KLK4: variants seen among roughly 807,000 people sequenced by gnomAD.
KLK4 encodes kallikrein related peptidase 4.
Under a neutral mutation model 24.3 loss-of-function variants are expected in KLK4, and 24 were observed. That is an observed-to-expected ratio of 0.99 (90% CI 0.72 to 1.39). The LOEUF (loss-of-function observed/expected upper bound fraction) is 1.39, where lower values mean the gene tolerates loss of function less well. Ranked by LOEUF, KLK4 falls within the 40% of genes most tolerant of loss-of-function variation. The pLI, the probability that KLK4 is intolerant of heterozygous loss-of-function variation, is 0.00. For missense variants in KLK4, 344 were observed against 327.4 expected (o/e 1.05, Z -0.39); for synonymous variants, 142 against 138.8 (o/e 1.02, Z -0.16).
exon 4 of KLK4, chr19:50,908,777 C>A (rs751557027): frequency 6.2e-7 from 1 of 1,613,784 alleles, no homozygotes; most frequent in Non-Finnish European, 8.5e-7. Flanking sequence ...ATCTGGCTCC[C>A]TGGCTCTTGG....
chr19:50,911,393 C>T (rs2090486826), exon 1 of KLK4, among the ~76,000 whole-genome samples: 1 of 152,236 alleles, frequency 6.6e-6, no homozygotes, highest in Non-Finnish European at 1.5e-5. Flanking sequence ...CAGCCTGCTG[C>T]CTCCCGCAGG....
rs2090477903 is a variant in KLK4 at position 50,910,409 on chromosome 19, A to G, written c.61+269T>C. On this transcript the variant is annotated intron_variant, in intron 2 of 5. Transcript: ENST00000324041. The surrounding 1 kb of genome is among the most constrained non-coding windows in gnomAD (Gnocchi z 4.4). Reference sequence around the variant, plus strand: ...CCTCGGCTTCCCCTGTCCCCATATCATCATTACACTGTTGTCACTCCACCA... The same window carrying G: ...CCTCGGCTTCCCCTGTCCCCATATCGTCATTACACTGTTGTCACTCCACCA... Among the ~76,000 whole-genome samples the G allele has an allele frequency of 6.6e-6, 1 of 152,062 alleles. No homozygotes were observed. The highest frequency in any genetic ancestry group is 1.5e-5 in the Non-Finnish European group (1 of 68,016).
chr19:50,911,060 T>A (rs1177769890), intron 1 of KLK4, among the ~76,000 whole-genome samples: 1 of 151,924 alleles, frequency 6.6e-6, no homozygotes, highest in African/African-American at 2.4e-5. Context: ...CAAACAAGCA[T>A]GGAGGGAAGA....
At position 50,908,847 on chromosome 19, in the gene KLK4, C is replaced by T; in HGVS notation, c.225-18G>A. 1 of 1,609,252 alleles carries T rather than the reference C, an allele frequency of 6.2e-7. No homozygotes were observed. Among genetic ancestry groups the T allele is most frequent in the South Asian group, 1.1e-5 (1 of 91,066 alleles). On this transcript the variant is annotated intron_variant, in intron 3 of 5. Transcript: ENST00000324041. The stretch of plus-strand genomic sequence containing the variant: ...TGTAGGAGCTGTGGGCCACGGAGGG[C>T]AGGTCAGTTTTGTGGCAACTACATC...
chr19:50,908,250 C>T, intron 5 of KLK4, 109 bp downstream of exon 5: 1 of 1,288,652 alleles, frequency 7.8e-7, no homozygotes, highest in Non-Finnish European at 1.1e-6. Flanking sequence ...TCACTGTCTC[C>T]CTGTGTGTCT....
At chr19:50,908,388 C>T (rs2090452538) in exon 5 of KLK4, 6 of 1,613,868 alleles carry the variant, frequency 3.7e-6, no homozygotes, top group African/African-American at 1.3e-5. Flanking sequence ...TCTTGCCCTC[C>T]GCCGGCGCAG....
rs568723321 is a variant in KLK4 at position 50,910,363 on chromosome 19, A to AG, written c.61+314dup. On this transcript the variant is annotated intron_variant, in intron 2 of 5. Transcript: ENST00000324041. The surrounding 1 kb of genome is among the most constrained non-coding windows in gnomAD (Gnocchi z 4.4). ...GATTCCCAGCAATGGATCACGCCCC[A>AG]GGAAGCACAATCTCCTGCACCCTCG... Among the ~76,000 whole-genome samples the AG allele has an allele frequency of 3.9e-5, 6 of 152,134 alleles. No individual in the cohort carries two copies. Among genetic ancestry groups the AG allele is most frequent in the Middle Eastern group, 3.4e-3 (1 of 294 alleles).
exon 3 of KLK4, chr19:50,909,316 A>T: frequency 1.9e-6 from 3 of 1,614,146 alleles, no homozygotes; most frequent in Non-Finnish European, 2.5e-6. Context: ...GAGCAGAACA[A>T]TTCGTTTTCC....
At chr19:50,908,524 C>A (rs373865620) in intron 4 of KLK4, 29 bp from the exon 5 acceptor site, 20 of 1,614,072 alleles carry the variant, frequency 1.2e-5, no homozygotes, top group Non-Finnish European at 1.7e-5. Context: ...GGTCAGCCCC[C>A]GCGACTGGGC....
chr19:50,908,244 T>C (rs977456775), intron 5 of KLK4, 115 bp downstream of exon 5: 48 of 1,220,576 alleles, frequency 3.9e-5, no homozygotes, highest in Non-Finnish European at 5.6e-5. Context: ...TAGTTGTCAC[T>C]GTCTCCCTGT....
At chr19:50,906,872 T>C in exon 6 of KLK4, 3 of 1,601,402 alleles carry the variant, frequency 1.9e-6, no homozygotes, top group Non-Finnish European at 2.6e-6. Flanking sequence ...GAACAGATAT[T>C]CCTGAATTCC....
rs1428791194 is a variant in KLK4 at position 50,910,964 on chromosome 19, GA to G, written c.-11-216del. 6.6e-6 allele frequency among the ~76,000 whole-genome samples: 1 copy of G among 152,148 alleles called. No individual in the cohort carries two copies. Among genetic ancestry groups the G allele is most frequent in the African/African-American group, 2.4e-5 (1 of 41,430 alleles). ...AGAGAGAGAGAGATGGGAAAAGAGAGAGAGAGAGAGAACTAGGTAGAAAGGA... is the reference window on the plus strand; with the variant it reads ...AGAGAGAGAGAGATGGGAAAAGAGAGGAGAGAGAGAACTAGGTAGAAAGGA... On this transcript the variant is annotated intron_variant, in intron 1 of 5. Transcript: ENST00000324041. This position sits in a 1 kb window ranked among gnomAD's most constrained non-coding sequence, Gnocchi z 4.4.
Position 50,906,958 on chromosome 19 carries a change from T to C in KLK4, c.741A>G (p.Ile247Met), listed in dbSNP as rs150515170. 9 of 1,614,090 alleles carry C rather than the reference T, an allele frequency of 5.6e-6. No homozygotes were observed. In the African/African-American group the frequency reaches 1.2e-4, roughly 22 times the overall value. Residue 247 changes from isoleucine (I) to methionine (M), a missense_variant, in exon 6 of 6, where the codon ATA becomes ATG. Ile to Met is a conservative substitution (Grantham distance 10, BLOSUM62 1). Coordinates refer to ENST00000324041, the Ensembl canonical transcript of KLK4. ...GTTAACTGGCCTGGACGGTTTTCTC[T>C]ATCCACTCAGTGAATTTGCAGAGGT...
In KLK4 at chr19:50,908,965, C is replaced by T. The variant is rs1482359248; in HGVS notation, c.225-136G>A. 8 of 1,519,144 alleles carry T rather than the reference C, an allele frequency of 5.3e-6. No individual in the cohort carries two copies. In the South Asian group the frequency reaches 6.2e-5, roughly 12 times the overall value. 94.1% of individuals were successfully genotyped at this position (1,519,144 alleles called of 1,614,324 possible). On this transcript the variant is annotated intron_variant, in intron 3 of 5. Transcript: ENST00000324041. Reference sequence around the variant, plus strand: ...GCTAAACACCCTAAGAGCTACTTAACCATGGTCTCAAATCCTCATTCACAA... The same window carrying T: ...GCTAAACACCCTAAGAGCTACTTAATCATGGTCTCAAATCCTCATTCACAA...
chr19:50,910,139 G>A lies in KLK4; in HGVS notation c.61+539C>T, dbSNP rs141181534. Among the ~76,000 whole-genome samples the A allele has an allele frequency of 1.7e-3, 259 of 152,096 alleles. No homozygotes were observed. Among genetic ancestry groups the A allele is most frequent in the Non-Finnish European group, 3.0e-3 (203 of 67,960 alleles). On this transcript the variant is annotated intron_variant, in intron 2 of 5. Coordinates refer to ENST00000324041, the Ensembl canonical transcript of KLK4. The surrounding 1 kb of genome is among the most constrained non-coding windows in gnomAD (Gnocchi z 4.4). Reference sequence around the variant, plus strand: ...GGAGTTGTTGCTGGGAGCAAGGATCGGGTCACTTGTCTGCGCAGACTGATG... The same window carrying A: ...GGAGTTGTTGCTGGGAGCAAGGATCAGGTCACTTGTCTGCGCAGACTGATG...
chr19:50,908,671 T>G, exon 4 of KLK4: 1 of 1,614,196 alleles, frequency 6.2e-7, no homozygotes, highest in Non-Finnish European at 8.5e-7. Context: ...GGTGTCAGAC[T>G]CGGACACGGA....
chr19:50,908,446 C>T, exon 5 of KLK4: 1 of 1,614,178 alleles, frequency 6.2e-7, no homozygotes, highest in Non-Finnish European at 8.5e-7. Context: ...TGCAGACCTC[C>T]TCAGACACCA....
intron 5 of KLK4, among the ~76,000 whole-genome samples, chr19:50,907,535 T>TA (rs2090445234): frequency 6.6e-6 from 1 of 151,780 alleles, no homozygotes. Flanking sequence ...GCCTCCCAAG[T>TA]AGCTGGGATT....
chr19:50,908,948 C>T (rs1412775887), intron 3 of KLK4, 119 bp from the exon 4 acceptor site: 14 of 1,532,828 alleles, frequency 9.1e-6, no homozygotes, highest in South Asian at 7.2e-5. Context: ...TCGCTAAACA[C>T]CCTAAGAGCT....
Sources: gnomAD v4.1 joint callset for allele counts (sites outside exome capture counted in the v4.1 genomes callset) on GRCh38, gnomAD v4.1.1 for gene constraint, Gnocchi (gnomAD v3.1) non-coding constraint, MANE v1.5 for transcripts, NCBI Gene and HGNC (gene_info 2026-07-23, HGNC 2026-07-21) for gene names.